The following SYNE2 variants were observed in gnomAD, a reference collection of about 807,000 sequenced individuals.
SYNE2 encodes the protein spectrin repeat containing nuclear envelope protein 2.
In SYNE2, 431 loss-of-function variants were observed where a neutral mutation model predicts 856.3. That is an observed-to-expected ratio of 0.50 (90% CI 0.47 to 0.55). The LOEUF is 0.55. Among genes scored for constraint, SYNE2 ranks in the 20% least tolerant of loss-of-function variants. The pLI is 0.00. For missense variants in SYNE2, 8,129 were observed against 8,023.2 expected (o/e 1.01, Z -0.50); for synonymous variants, 2,923 against 2,872.3 (o/e 1.02, Z -0.56).
At chr14:63,916,705 T>A (rs2095537437) in intron 2 of SYNE2, among the ~76,000 whole-genome samples, 1 of 152,282 alleles carries the variant, frequency 6.6e-6, no homozygotes, top group East Asian at 1.9e-4. Context: ...GCTTTCGTAT[T>A]CTGTTTATGA....
intron 64 of SYNE2, among the ~76,000 whole-genome samples, chr14:64,106,109 T>G (rs189850673): frequency 2.1e-5 from 3 of 145,372 alleles, no homozygotes; most frequent in Admixed American, 1.4e-4. Flanking sequence ...TTCTCCTAGG[T>G]ATACATGGAA....
chr14:63,987,491 T>C (rs191423566), intron 19 of SYNE2, among the ~76,000 whole-genome samples: 15 of 152,326 alleles, frequency 9.8e-5, no homozygotes, highest in Admixed American at 9.8e-4. Flanking sequence ...AGCTCAGCTG[T>C]AAAACCTACA....
chr14:63,885,610 TA>T (rs34842456), intron 1 of SYNE2, among the ~76,000 whole-genome samples: 11,521 of 152,254 alleles, frequency 0.076, 440 homozygotes, highest in Admixed American at 0.11. Flanking sequence ...AATTTCGATA[TA>T]TTTTTTTTGA....
chr14:63,963,266 A>G (rs542210811), intron 9 of SYNE2, among the ~76,000 whole-genome samples: 16 of 152,348 alleles, frequency 1.1e-4, no homozygotes, highest in East Asian at 5.8e-4. Flanking sequence ...GAAAGATTCA[A>G]CTGTCCATGA....
intron 32 of SYNE2, among the ~76,000 whole-genome samples, chr14:64,013,384 T>C (rs1281348907): frequency 1.3e-5 from 2 of 151,922 alleles, no homozygotes; most frequent in African/African-American, 4.8e-5. Context: ...TATGCGTATA[T>C]TGTGTAATGG....
Position 64,130,133 on chromosome 14 carries a change from C to T in SYNE2, c.14225C>T (p.Ala4742Val), listed in dbSNP as rs373034895. 87 of 1,614,154 alleles carry T rather than the reference C, an allele frequency of 5.4e-5. No homozygotes were observed. The highest frequency in any genetic ancestry group is 1.7e-4 in the Middle Eastern group (1 of 6,060). ...SPFVTESQQD[A>V]LLQGMVELVK... ...TTCGTCACTGAGAGCCAGCAAGATG[C>T]TTTGTTGCAAGGCATGGTGGAACTG... is the stretch of plus-strand genomic sequence containing the variant. Residue 4742 changes from alanine (A) to valine (V), a missense_variant, in exon 76 of 116, where the codon GCT (alanine) becomes GTT (valine). Ala to Val is a moderately conservative substitution (Grantham distance 64). Around this residue, in one of 3 missense-constraint regions of SYNE2, gnomAD observed 5,410 missense variants for 5,284.8 expected, o/e 1.02. Transcript: ENST00000555002.
intron 1 of SYNE2, among the ~76,000 whole-genome samples, chr14:63,811,194 C>G (rs1394034622): frequency 6.6e-6 from 1 of 152,100 alleles, no homozygotes; most frequent in Non-Finnish European, 1.5e-5. Context: ...TAATAAGAAT[C>G]TGTTCTCCTC....
chr14:63,824,771 CT>C (rs1889356480), intron 1 of SYNE2, among the ~76,000 whole-genome samples: 1 of 152,096 alleles, frequency 6.6e-6, no homozygotes, highest in Admixed American at 6.6e-5. Context: ...ATCAACATAT[CT>C]CATGTAAGCC....
chr14:63,904,818 A>G (rs1037267156), intron 1 of SYNE2, among the ~76,000 whole-genome samples: 2 of 152,000 alleles, frequency 1.3e-5, no homozygotes, highest in Non-Finnish European at 2.9e-5. Flanking sequence ...ATTAGATCCC[A>G]TTTGTCAATT....
rs759765636 is a variant in SYNE2 at position 64,212,972 on chromosome 14, C to A, written c.19023C>A (p.Ser6341=). 3.2e-5 allele frequency: 51 copies of A among 1,613,794 alleles called. 1 individual carries two copies. In the South Asian group the frequency reaches 4.6e-4, roughly 15 times the overall value. ...GCCAGGAGGTGTTTGGAAGGGTCTCCCGGTTCCACCGGCGGCTCACCTCCT... is the reference window on the plus strand; with the variant it reads ...GCCAGGAGGTGTTTGGAAGGGTCTCACGGTTCCACCGGCGGCTCACCTCCT... ...RYCQEVFGRV[S]RFHRRLTSCT... Residue 6341 remains serine, a synonymous_variant, in exon 105 of 116, where the codon TCC becomes TCA. Coordinates refer to ENST00000555002, the MANE Select transcript of SYNE2 (RefSeq NM_182914.3).
Position 64,226,335 on chromosome 14 carries a change from CACGGCGGGGGTG to C in SYNE2, c.*810_*821del, listed in dbSNP as rs1156506723. ...TTGCTTTGGGTTTTAACTGTTTGGC[CACGGCGGGGGTG>C]GGGGCGGGGGGTTGGTACAGAAACT... is the stretch of plus-strand genomic sequence containing the variant. On this transcript the variant is annotated 3_prime_UTR_variant, in exon 116 of 116. Transcript: ENST00000555002. The C allele has an allele frequency of 8.0e-6, 1 of 124,922 alleles. No individual in the cohort carries two copies. Among genetic ancestry groups the C allele is most frequent in the Non-Finnish European group, 1.6e-5 (1 of 62,496 alleles). 7.7% of individuals were successfully genotyped at this position (124,922 alleles called of 1,614,324 possible). A position where few individuals can be genotyped will look rare whatever the true frequency, so the allele number is the denominator to read the frequency against.
At chr14:63,813,789 C>G (rs1334587458) in intron 1 of SYNE2, among the ~76,000 whole-genome samples, 6 of 152,184 alleles carry the variant, frequency 3.9e-5, no homozygotes, top group Non-Finnish European at 1.5e-5. Context: ...TGTGGTGGCT[C>G]ATGCCTGTAA....
At chr14:63,856,741 A>G (rs952001609) in intron 1 of SYNE2, among the ~76,000 whole-genome samples, 1 of 152,136 alleles carries the variant, frequency 6.6e-6, no homozygotes, top group African/African-American at 2.4e-5. Flanking sequence ...CTTTCATCAA[A>G]TAAAAGATTA....
intron 56 of SYNE2, 103 bp downstream of exon 56, chr14:64,080,741 AGTTTTG>A (rs2097514680): frequency 1.4e-6 from 2 of 1,449,386 alleles, no homozygotes; most frequent in Non-Finnish European, 1.9e-6. Flanking sequence ...TTGAATTATC[AGTTTTG>A]GACTTGAAGC....
At chr14:64,113,609 C>A in intron 66 of SYNE2, 38 bp downstream of exon 66, 1 of 1,557,544 alleles carries the variant, frequency 6.4e-7, no homozygotes. Context: ...TTTGCCTCTC[C>A]ACCAATCATC....
chr14:64,152,760 C>A (rs775133024), intron 85 of SYNE2, 44 bp downstream of exon 85: 105 of 1,610,682 alleles, frequency 6.5e-5, no homozygotes, highest in Admixed American at 1.0e-4. Context: ...TTCACATATT[C>A]TTTTACCTTA....
intron 1 of SYNE2, among the ~76,000 whole-genome samples, chr14:63,858,679 A>C (rs1892611299): frequency 1.3e-5 from 2 of 152,126 alleles, no homozygotes; most frequent in African/African-American, 4.8e-5. Flanking sequence ...TAAAAGTTCC[A>C]TCTCTTAATA....
At chr14:63,873,274 T>C (rs1457158248) in intron 1 of SYNE2, 2 of 150,246 alleles carry the variant, frequency 1.3e-5, no homozygotes, top group African/African-American at 4.9e-5. Flanking sequence ...ACATATTTCT[T>C]TATTTAGAAT....
intron 1 of SYNE2, among the ~76,000 whole-genome samples, chr14:63,766,115 G>A (rs1357301265): frequency 1.4e-5 from 2 of 144,864 alleles, no homozygotes; most frequent in Non-Finnish European, 3.0e-5. Flanking sequence ...GTCTTGCTCT[G>A]TCACCCAGAC....
Sources: allele counts gnomAD v4.1 joint callset (sites outside exome capture counted in the v4.1 genomes callset), GRCh38; gene constraint gnomAD v4.1.1; regional missense constraint gnomAD v4.1.1; transcripts MANE v1.5; gene names NCBI Gene and HGNC (gene_info 2026-07-23, HGNC 2026-07-21).